Variants in NAA35 observed in about 807,000 individuals in gnomAD.
The protein encoded by NAA35 is N-alpha-acetyltransferase 35, NatC auxiliary subunit, also known as MAK10 homolog, amino-acid N-acetyltransferase subunit.
A neutral mutation model predicts 101.7 loss-of-function variants in NAA35; 18 were observed. The observed-to-expected ratio is 0.18, with a 90% confidence interval of 0.12 to 0.26. NAA35 has a LOEUF of 0.26. NAA35 is among the 10% of genes least tolerant of loss of function. NAA35 has a pLI of 1.00. For synonymous variants in NAA35, 267 were observed against 273.1 expected, an observed-to-expected ratio of 0.98 and a Z score of 0.22; for missense variants, 601 against 886.8, an observed-to-expected ratio of 0.68 and a Z score of 4.09.
Position 85,984,164 on chromosome 9 carries a change from C to CA in NAA35, c.877+5789dup, listed in dbSNP as rs1358424144. On this transcript the variant is annotated intron_variant, in intron 11 of 22. Coordinates refer to ENST00000361671, the MANE Select transcript of NAA35 (RefSeq NM_024635.4). Reference sequence around the variant, plus strand: ...ACAACATAGCAAGACCCCATCTCTACAAAAAATTTAAAAATTAGCCAGGTG... The same window carrying CA: ...ACAACATAGCAAGACCCCATCTCTACAAAAAAATTTAAAAATTAGCCAGGTG... Among the ~76,000 whole-genome samples, 7 of 151,932 alleles carry CA rather than the reference C, an allele frequency of 4.6e-5. 1 individual carries two copies. In the East Asian group the frequency reaches 1.2e-3, roughly 25 times the overall value.
At chr9:86,020,563 A>G (rs1419502324) in intron 21 of NAA35, among the ~76,000 whole-genome samples, 3 of 152,156 alleles carry the variant, frequency 2.0e-5, no homozygotes, top group Non-Finnish European at 4.4e-5. Flanking sequence ...ATAAATTTTG[A>G]CTGGCCACAG....
chr9:85,970,747 G>A (rs115508183), intron 6 of NAA35, among the ~76,000 whole-genome samples: 2,128 of 152,186 alleles, frequency 0.014, 48 homozygotes, highest in African/African-American at 0.047. Context: ...TGAATGTTAA[G>A]GACAGAGGAA....
intron 15 of NAA35, among the ~76,000 whole-genome samples, chr9:86,010,519 A>G (rs927182808): frequency 6.6e-6 from 1 of 151,588 alleles, no homozygotes; most frequent in African/African-American, 2.4e-5. Context: ...GCTTCCTCAA[A>G]ATTTTTTGTG....
intron 15 of NAA35, among the ~76,000 whole-genome samples, chr9:86,011,222 A>G (rs1437376979): frequency 2.6e-5 from 4 of 151,692 alleles, no homozygotes; most frequent in Admixed American, 6.6e-5. Flanking sequence ...CTGGGCAACA[A>G]GAGCAAAACT....
chr9:85,986,484 C>T, intron 11 of NAA35: 1 of 469,398 alleles, frequency 2.1e-6, no homozygotes, highest in Non-Finnish European at 4.4e-6. Context: ...TCTCTGACAT[C>T]TTCTAGAGAT....
At chr9:85,950,295 G>T (rs1828961303) in intron 2 of NAA35, among the ~76,000 whole-genome samples, 1 of 152,094 alleles carries the variant, frequency 6.6e-6, no homozygotes, top group African/African-American at 2.4e-5. Flanking sequence ...GCTCAGGCTG[G>T]AGTGCCATGG....
At position 85,975,806 on chromosome 9, in the gene NAA35, A is replaced by G. The variant is rs78644680; in HGVS notation, c.627+649A>G. On this transcript the variant is annotated intron_variant, in intron 8 of 22. Transcript: ENST00000361671. ...TTTTGGGTTCCTCAAGGTAAGGACT[A>G]TCTTGTTCACCTTTGTATCTTTAAT... Among the ~76,000 whole-genome samples the G allele has an allele frequency of 7.1e-3, 1,079 of 152,268 alleles. 15 individuals are homozygous for G. Among genetic ancestry groups the G allele is most frequent in the African/African-American group, 0.024 (1,008 of 41,544 alleles).
In NAA35 at chr9:86,024,190, T is replaced by C. The variant is rs1832684046; in HGVS notation, c.*2230T>C. Among the ~76,000 whole-genome samples the C allele has an allele frequency of 1.3e-5, 2 of 152,140 alleles. No homozygotes were observed. The highest frequency in any genetic ancestry group is 1.5e-5 in the Non-Finnish European group (1 of 68,030). On this transcript the variant is annotated 3_prime_UTR_variant, in exon 23 of 23. Transcript: ENST00000361671. ...AGTGAAGAATATGCTGTATGCTGGG[T>C]AGGAGAACTGCCCCACGTGAAACTT...
intron 2 of NAA35, among the ~76,000 whole-genome samples, chr9:85,948,215 G>A (rs1180085792): frequency 6.6e-6 from 1 of 152,124 alleles, no homozygotes; most frequent in African/African-American, 2.4e-5. Flanking sequence ...TCATAGCTGA[G>A]CCAAGGAGTA....
chr9:85,950,481 G>A (rs1419566332), intron 2 of NAA35, among the ~76,000 whole-genome samples: 2 of 152,094 alleles, frequency 1.3e-5, no homozygotes, highest in Admixed American at 6.5e-5. Context: ...CTGACCTCAG[G>A]TGAACCGCCT....
Position 85,957,817 on chromosome 9 carries a change from A to C in NAA35, c.159-655A>C, listed in dbSNP as rs189380268. On this transcript the variant is annotated intron_variant, in intron 3 of 22. Transcript: ENST00000361671. Reference sequence around the variant, plus strand: ...GAAGGGGAAGTAGAATCTGAAATTCAGTTCTTCTCAGATTTGAGCGTGTGC... The same window carrying C: ...GAAGGGGAAGTAGAATCTGAAATTCCGTTCTTCTCAGATTTGAGCGTGTGC... Among the ~76,000 whole-genome samples, 391 of 152,268 alleles carry C rather than the reference A, an allele frequency of 2.6e-3. 2 individuals carry two copies. Among genetic ancestry groups the C allele is most frequent in the Admixed American group, 5.2e-3 (80 of 15,292 alleles).
rs762954749 is a variant in NAA35, at chr9:86,022,677, A to G, written c.*717A>G. 6.6e-6 allele frequency among the ~76,000 whole-genome samples: 1 copy of G among 152,210 alleles called. No individual in the cohort carries two copies. Among genetic ancestry groups the G allele is most frequent in the Non-Finnish European group, 1.5e-5 (1 of 68,042 alleles). Reference sequence around the variant, plus strand: ...TTAGGACTAGGTTTAAATGTGGTGTACTTTTTGTTTACTTCATATTCAGTT... The same window carrying G: ...TTAGGACTAGGTTTAAATGTGGTGTGCTTTTTGTTTACTTCATATTCAGTT... On this transcript the variant is annotated 3_prime_UTR_variant, in exon 23 of 23. Transcript: ENST00000361671.
chr9:86,016,453 T>C (rs1832228726), intron 17 of NAA35, 86 bp from the exon 18 acceptor site: 2 of 1,173,066 alleles, frequency 1.7e-6, no homozygotes, highest in Non-Finnish European at 1.2e-6. Flanking sequence ...TAAAGCATTA[T>C]TTGAAATATC....
intron 11 of NAA35, among the ~76,000 whole-genome samples, chr9:85,990,581 T>C (rs10118063): frequency 0.052 from 7,927 of 152,302 alleles, 671 homozygotes; most frequent in African/African-American, 0.18. Context: ...GAATGAATGA[T>C]CTTAAAGATA....
chr9:86,023,493 GAGCCTGA>G lies in NAA35; in HGVS notation c.*1537_*1543del, dbSNP rs1832657579. On this transcript the variant is annotated 3_prime_UTR_variant, in exon 23 of 23. Coordinates refer to ENST00000361671, the MANE Select transcript of NAA35 (RefSeq NM_024635.4). ...GACATTTGGCAAACAACCAAGAAGA[GAGCCTGA>G]AGCAAGTTAGAAAGCTGAGAAATTA... 6.6e-6 allele frequency among the ~76,000 whole-genome samples: 1 copy of G among 152,200 alleles called. No homozygotes were observed. Among genetic ancestry groups the G allele is most frequent in the African/African-American group, 2.4e-5 (1 of 41,444 alleles).
chr9:85,973,881 T>C (rs2118020968), intron 6 of NAA35, among the ~76,000 whole-genome samples: 1 of 152,144 alleles, frequency 6.6e-6, no homozygotes, highest in East Asian at 1.9e-4. Context: ...GCTCACTGTT[T>C]TTTTTTTTAA....
At chr9:85,967,305 A>G (rs551665324) in intron 6 of NAA35, among the ~76,000 whole-genome samples, 11 of 152,230 alleles carry the variant, frequency 7.2e-5, no homozygotes, top group African/African-American at 2.6e-4. Context: ...GGAGAAATGC[A>G]TATGTCAAAA....
intron 12 of NAA35, among the ~76,000 whole-genome samples, chr9:85,998,564 A>AT (rs1013830059): frequency 6.6e-6 from 1 of 152,182 alleles, no homozygotes; most frequent in African/African-American, 2.4e-5. Context: ...TTGGATTAAT[A>AT]TTTTTTATGG....
chr9:85,990,016 C>T (rs778779272), intron 11 of NAA35, among the ~76,000 whole-genome samples: 6 of 152,124 alleles, frequency 3.9e-5, no homozygotes, highest in African/African-American at 7.2e-5. Flanking sequence ...TAACAGAGTT[C>T]CTGAGACTGG....
Sources: allele counts gnomAD v4.1 joint callset (sites outside exome capture counted in the v4.1 genomes callset), GRCh38; gene constraint gnomAD v4.1.1; transcripts MANE v1.5; gene names NCBI Gene and HGNC (gene_info 2026-07-23, HGNC 2026-07-21).